Variants in STAG1 observed in about 807,000 individuals in gnomAD.
STAG1 encodes STAG1 cohesin complex component, also known as cohesin subunit SA-1.
A neutral mutation model predicts 170.9 loss-of-function variants in STAG1; 26 were observed. The ratio of observed to expected loss-of-function variants is 0.15; its 90% CI spans 0.11 to 0.21. The LOEUF is 0.21. Ranked by LOEUF, STAG1 falls within the 10% of genes least tolerant of loss-of-function variation. STAG1 has a pLI of 1.00. For missense variants in STAG1, 964 were observed against 1,509.5 expected (o/e 0.64, Z 5.99); for synonymous variants, 514 against 497.7 (o/e 1.03, Z -0.44).
At chr3:136,341,835 C>G (rs1321734196) in intron 30 of STAG1, among the ~76,000 whole-genome samples, 2 of 152,228 alleles carry the variant, frequency 1.3e-5, no homozygotes, top group Non-Finnish European at 2.9e-5. Flanking sequence ...GCCGCACTCA[C>G]AGGTGTACCT....
chr3:136,688,265 G>C (rs1942604072), intron 1 of STAG1, among the ~76,000 whole-genome samples: 1 of 152,164 alleles, frequency 6.6e-6, no homozygotes, highest in South Asian at 2.1e-4. Flanking sequence ...CTTTCAATGA[G>C]ACTGACAAGA....
intron 1 of STAG1, among the ~76,000 whole-genome samples, chr3:136,742,428 A>G (rs1331749236): frequency 1.3e-5 from 2 of 152,086 alleles, no homozygotes; most frequent in Non-Finnish European, 2.9e-5. Context: ...AAATTAAACA[A>G]CAAGGCTGGG....
At chr3:136,668,031 T>C (rs371576268) in intron 1 of STAG1, among the ~76,000 whole-genome samples, 43 of 151,838 alleles carry the variant, frequency 2.8e-4, no homozygotes, top group African/African-American at 9.7e-4. Context: ...AACTGGCCAA[T>C]TGGTTCTCTT....
chr3:136,401,032 T>C (rs1182660072), intron 21 of STAG1, among the ~76,000 whole-genome samples: 1 of 152,144 alleles, frequency 6.6e-6, no homozygotes, highest in Admixed American at 6.6e-5. Flanking sequence ...GAAGGTATAG[T>C]TTAATAACCT....
chr3:136,704,270 C>T (rs936069228), intron 1 of STAG1, among the ~76,000 whole-genome samples: 10 of 151,578 alleles, frequency 6.6e-5, no homozygotes, highest in Admixed American at 2.6e-4. Context: ...AGGCTAGTCT[C>T]GAACCCCTGA....
chr3:136,672,742 C>A (rs1220878643), intron 1 of STAG1, among the ~76,000 whole-genome samples: 1 of 151,940 alleles, frequency 6.6e-6, no homozygotes, highest in Non-Finnish European at 1.5e-5. Flanking sequence ...AAGATACATG[C>A]TAGTCATATG....
At chr3:136,457,363 A>G (rs969806912) in intron 13 of STAG1, among the ~76,000 whole-genome samples, 2 of 152,180 alleles carry the variant, frequency 1.3e-5, no homozygotes, top group African/African-American at 4.8e-5. Flanking sequence ...ATATGCATCA[A>G]AGAAAATAGT....
rs577767618 is a variant in STAG1 at position 136,717,995 on chromosome 3, G to C, written c.-84+34200C>G. ...TAATCTTTTTCTGATAGAAGGGGAG[G>C]AAAGCACAGGACCTAAAATCCCTAA... On this transcript the variant is annotated intron_variant, in intron 1 of 33. Transcript: ENST00000383202. Among the ~76,000 whole-genome samples the C allele has an allele frequency of 2.0e-5, 3 of 152,100 alleles. No individual in the cohort carries two copies. The South Asian group carries it at 6.2e-4, about 32-fold the overall frequency.
intron 1 of STAG1, among the ~76,000 whole-genome samples, chr3:136,661,453 T>G (rs1941575989): frequency 6.6e-6 from 1 of 152,062 alleles, no homozygotes; most frequent in Non-Finnish European, 1.5e-5. Flanking sequence ...AAAACAAAGG[T>G]GCACAACAGT....
chr3:136,374,507 C>G (rs1005134380), intron 23 of STAG1, among the ~76,000 whole-genome samples: 3 of 151,828 alleles, frequency 2.0e-5, no homozygotes, highest in Non-Finnish European at 4.4e-5. Context: ...ATTCCAGCTA[C>G]TAGGGAGGCT....
At chr3:136,696,326 G>A (rs757593250) in intron 1 of STAG1, among the ~76,000 whole-genome samples, 3 of 152,122 alleles carry the variant, frequency 2.0e-5, no homozygotes, top group Non-Finnish European at 4.4e-5. Context: ...TACCATAAAT[G>A]CTTTTTCCTC....
chr3:136,703,995 G>A (rs1393671708), intron 1 of STAG1, among the ~76,000 whole-genome samples: 1 of 151,334 alleles, frequency 6.6e-6, no homozygotes, highest in Admixed American at 6.6e-5. Context: ...CTGGGTGACA[G>A]AGCAAGACTC....
chr3:136,479,321 T>C (rs1279116315), intron 9 of STAG1, among the ~76,000 whole-genome samples: 1 of 130,626 alleles, frequency 7.7e-6, no homozygotes, highest in Non-Finnish European at 1.6e-5. Flanking sequence ...AGTGAGAATA[T>C]GCGGTGTTTG....
At position 136,531,676 on chromosome 3, in the gene STAG1, C is replaced by T. The variant is rs1395527624; in HGVS notation, c.472-10259G>A. Reference sequence around the variant, plus strand: ...ATCGCAAGAACAAAAAACCAAACACCGCATATTCTCACTCATAGGTGGGAA... The same window carrying T: ...ATCGCAAGAACAAAAAACCAAACACTGCATATTCTCACTCATAGGTGGGAA... On this transcript the variant is annotated intron_variant, in intron 6 of 33. Coordinates refer to ENST00000383202, the MANE Select transcript of STAG1 (RefSeq NM_005862.3). Among the ~76,000 whole-genome samples, 8 of 149,150 alleles carry T rather than the reference C, an allele frequency of 5.4e-5. No homozygotes were observed. The East Asian group carries it at 6.0e-4, about 11-fold the overall frequency.
chr3:136,627,565 G>C (rs1940161833), intron 2 of STAG1, among the ~76,000 whole-genome samples: 1 of 152,130 alleles, frequency 6.6e-6, no homozygotes, highest in Non-Finnish European at 1.5e-5. Context: ...TTTGTCTCTA[G>C]TTTTGCACTA....
intron 4 of STAG1, chr3:136,591,318 AGAAGTAAG>A (rs963343240): frequency 6.6e-6 from 1 of 152,118 alleles, no homozygotes; most frequent in Non-Finnish European, 1.5e-5. Context: ...CAGGAAAGAA[AGAAGTAAG>A]GAAGTAAGGA....
chr3:136,431,393 C>T (rs1360423997), intron 16 of STAG1, among the ~76,000 whole-genome samples: 4 of 152,098 alleles, frequency 2.6e-5, no homozygotes, highest in African/African-American at 7.2e-5. Context: ...CTGCCTCAGC[C>T]TTCCGAGTGG....
At chr3:136,648,296 T>TCAAACACTCCC (rs1941100323) in intron 1 of STAG1, among the ~76,000 whole-genome samples, 1 of 152,206 alleles carries the variant, frequency 6.6e-6, no homozygotes, top group Non-Finnish European at 1.5e-5. Flanking sequence ...CCCAAACTCC[T>TCAAACACTCCC]CAAACACTCC....
chr3:136,714,955 A>T lies in STAG1; in HGVS notation c.-84+37240T>A, dbSNP rs1269890967. On this transcript the variant is annotated intron_variant, in intron 1 of 33. Transcript: ENST00000383202. ...ATATATTAAATATATATATATATAT[A>T]TATATATATTTTATATATATATTTT... Among the ~76,000 whole-genome samples the T allele has an allele frequency of 7.3e-5, 5 of 68,220 alleles. No homozygotes were observed. In the Admixed American group the frequency reaches 7.9e-4, roughly 11 times the overall value. 44.8% of individuals were successfully genotyped at this position (68,220 alleles called of 152,430 possible). A position where few individuals can be genotyped will look rare whatever the true frequency, so the allele number is the denominator to read the frequency against.
Sources: gnomAD v4.1 joint callset for allele counts (sites outside exome capture counted in the v4.1 genomes callset) on GRCh38, gnomAD v4.1.1 for gene constraint, MANE v1.5 for transcripts, NCBI Gene and HGNC (gene_info 2026-07-23, HGNC 2026-07-21) for gene names.